Variants in ADGRL3 observed in about 807,000 individuals in gnomAD.
ADGRL3 encodes the protein adhesion G protein-coupled receptor L3.
Under a neutral mutation model 153.5 loss-of-function variants are expected in ADGRL3, and 62 were observed. The ratio of observed to expected loss-of-function variants is 0.40; its 90% confidence interval spans 0.33 to 0.50. The LOEUF (loss-of-function observed/expected upper bound fraction) is 0.50. Ranked by LOEUF, ADGRL3 falls within the 20% of genes least tolerant of loss-of-function variation. The pLI, the probability that ADGRL3 is intolerant of heterozygous loss-of-function variation, is 0.47. For synonymous variants in ADGRL3, 710 were observed against 672.5 expected, an observed-to-expected ratio of 1.06 and a Z score of -0.86; for missense variants, 1,641 against 1,859.4, an observed-to-expected ratio of 0.88 and a Z score of 2.16.
chr4:61,965,159 G>A (rs7681138), intron 17 of ADGRL3, among the ~76,000 whole-genome samples: 220 of 151,716 alleles, frequency 1.5e-3, no homozygotes, highest in African/African-American at 4.7e-3. Context: ...CACCATGCCC[G>A]GCTAATTTTT....
In ADGRL3 at chr4:61,432,630, CTTTCTTTCTTTCTTTCTTTCTTTCT is replaced by C. The variant is rs1560623228; in HGVS notation, c.-174+49445_-174+49469del. On this transcript the variant is annotated intron_variant, in intron 2 of 26. Coordinates refer to ENST00000683033, the MANE Select transcript of ADGRL3 (RefSeq NM_001387552.1). ...TCTTTCTTTCTTTCTTTCTTTCTTT[CTTTCTTTCTTTCTTTCTTTCTTTCT>C]TTTTTTTTTTTTTTTGAGACAGAAT... Among the ~76,000 whole-genome samples the C allele has an allele frequency of 2.3e-3, 116 of 50,524 alleles. 14 individuals carry two copies. The highest frequency in any genetic ancestry group is 7.8e-3 in the African/African-American group (104 of 13,266). The allele number at this position is 50,524 out of a possible 152,430, so 33.1% of individuals were successfully genotyped here. A position where few individuals can be genotyped will look rare whatever the true frequency, so the allele number is the denominator to read the frequency against.
intron 2 of ADGRL3, among the ~76,000 whole-genome samples, chr4:61,460,167 A>C (rs949967656): frequency 1.3e-5 from 2 of 152,000 alleles, no homozygotes; most frequent in African/African-American, 4.8e-5. Flanking sequence ...AATGTCCTGA[A>C]GCATTTCCCC....
chr4:61,706,209 C>T (rs541961356), intron 6 of ADGRL3, among the ~76,000 whole-genome samples: 32 of 152,018 alleles, frequency 2.1e-4, no homozygotes, highest in Non-Finnish European at 3.4e-4. Context: ...ATCACAAGGT[C>T]AGGAGTTCGA....
intron 1 of ADGRL3, among the ~76,000 whole-genome samples, chr4:61,291,212 A>ACGCACACACG (rs3035663): frequency 4.0e-5 from 1 of 24,876 alleles, no homozygotes; most frequent in Non-Finnish European, 1.8e-4. Flanking sequence ...ACACACACAC[A>ACGCACACACG]CACACGCACA....
chr4:61,762,199 G>T (rs1240518558), intron 8 of ADGRL3, among the ~76,000 whole-genome samples: 2 of 151,934 alleles, frequency 1.3e-5, no homozygotes, highest in Non-Finnish European at 2.9e-5. Context: ...GATTATGAGT[G>T]ATTTATGTAG....
At chr4:61,216,196 T>A (rs1742700845) in intron 1 of ADGRL3, among the ~76,000 whole-genome samples, 1 of 152,206 alleles carries the variant, frequency 6.6e-6, no homozygotes, top group Admixed American at 6.5e-5. Context: ...TAGATTAGAC[T>A]ATCTTTTTGT....
intron 1 of ADGRL3, among the ~76,000 whole-genome samples, chr4:61,287,739 C>T (rs889042959): frequency 6.6e-6 from 1 of 151,886 alleles, no homozygotes; most frequent in Non-Finnish European, 1.5e-5. Flanking sequence ...CCTAATCCAT[C>T]TGGAGTGCCA....
At chr4:61,644,937 A>T (rs1462012370) in intron 5 of ADGRL3, among the ~76,000 whole-genome samples, 1 of 151,570 alleles carries the variant, frequency 6.6e-6, no homozygotes, top group East Asian at 1.9e-4. Flanking sequence ...TTTGTAGGTC[A>T]CTCAGGACTT....
chr4:62,044,929 G>C (rs1386894959), intron 25 of ADGRL3, among the ~76,000 whole-genome samples: 1 of 152,004 alleles, frequency 6.6e-6, no homozygotes, highest in Non-Finnish European at 1.5e-5. Context: ...CATAGTCTTT[G>C]CGGAAGTAAA....
intron 2 of ADGRL3, among the ~76,000 whole-genome samples, chr4:61,447,333 G>A (rs2152499363): frequency 6.6e-6 from 1 of 152,208 alleles, no homozygotes; most frequent in African/African-American, 2.4e-5. Flanking sequence ...ATTCAGTGTG[G>A]CCTGTATTGC....
chr4:61,646,121 G>C (rs1238973869), intron 5 of ADGRL3, among the ~76,000 whole-genome samples: 1 of 151,990 alleles, frequency 6.6e-6, no homozygotes, highest in Non-Finnish European at 1.5e-5. Context: ...CTCGAGCCTT[G>C]GTTTTCAGCT....
chr4:61,206,126 C>T (rs559425379), intron 1 of ADGRL3, among the ~76,000 whole-genome samples: 1 of 152,166 alleles, frequency 6.6e-6, no homozygotes, highest in East Asian at 1.9e-4. Flanking sequence ...GTTCTATAGA[C>T]CTTGATAAAT....
intron 5 of ADGRL3, among the ~76,000 whole-genome samples, chr4:61,624,981 A>T (rs140732823): frequency 6.6e-6 from 1 of 152,042 alleles, no homozygotes; most frequent in African/African-American, 2.4e-5. Flanking sequence ...TTTAGGGACA[A>T]TTTTTTTGCC....
At chr4:62,028,463 A>C (rs78732682) in intron 21 of ADGRL3, among the ~76,000 whole-genome samples, 2,376 of 151,882 alleles carry the variant, frequency 0.016, 61 homozygotes, top group African/African-American at 0.054. Flanking sequence ...ACGGAATAAG[A>C]ATACCTTTAG....
chr4:62,044,087 G>T (rs1729794688), intron 24 of ADGRL3, among the ~76,000 whole-genome samples: 1 of 151,814 alleles, frequency 6.6e-6, no homozygotes, highest in African/African-American at 2.4e-5. Context: ...TCCAATAAAA[G>T]TTATAGTAAA....
intron 1 of ADGRL3, among the ~76,000 whole-genome samples, chr4:61,298,170 TTAAAG>T (rs1193038552): frequency 2.6e-5 from 4 of 152,206 alleles, no homozygotes; most frequent in African/African-American, 7.2e-5. Flanking sequence ...TCAAATATTG[TTAAAG>T]TAATTATTAA....
intron 7 of ADGRL3, among the ~76,000 whole-genome samples, chr4:61,732,491 A>G (rs1412680238): frequency 6.6e-6 from 1 of 152,118 alleles, no homozygotes; most frequent in South Asian, 2.1e-4. Context: ...ATATTGTAGC[A>G]TATTTACAAA....
rs1417346774 is a variant in ADGRL3 at position 62,071,607 on chromosome 4, C to G, written c.*699C>G. On this transcript the variant is annotated 3_prime_UTR_variant, in exon 27 of 27. Coordinates refer to ENST00000683033, the MANE Select transcript of ADGRL3 (RefSeq NM_001387552.1). Reference sequence around the variant, plus strand: ...TGCACATATAGTCTGCTTTCTGTTCCTCCAGAATTTGAGTCCTGTTAATGT... The same window carrying G: ...TGCACATATAGTCTGCTTTCTGTTCGTCCAGAATTTGAGTCCTGTTAATGT... 5 of 330,494 alleles carry G rather than the reference C, an allele frequency of 1.5e-5. No homozygotes were observed. In the East Asian group the frequency reaches 4.2e-4, roughly 28 times the overall value. The allele number at this position is 330,494 out of a possible 1,614,324, so 20.5% of individuals were successfully genotyped here. A position where few individuals can be genotyped will look rare whatever the true frequency, so the allele number is the denominator to read the frequency against.
intron 1 of ADGRL3, among the ~76,000 whole-genome samples, chr4:61,318,289 G>A (rs1199903020): frequency 6.6e-6 from 1 of 150,480 alleles, no homozygotes; most frequent in Non-Finnish European, 1.5e-5. Flanking sequence ...TCTGGAAATA[G>A]TCTGCTTCAA....
Sources: allele counts gnomAD v4.1 joint callset (sites outside exome capture counted in the v4.1 genomes callset), GRCh38; gene constraint gnomAD v4.1.1; transcripts MANE v1.5; gene names NCBI Gene and HGNC (gene_info 2026-07-23, HGNC 2026-07-21).